Variants in KMT2A observed in about 807,000 individuals in gnomAD.
The protein encoded by KMT2A is lysine methyltransferase 2A.
KMT2A carries 16 observed loss-of-function variants against 345.3 expected under a neutral mutation model. That is an observed-to-expected ratio of 0.05 (90% CI 0.03 to 0.07). The LOEUF (loss-of-function observed/expected upper bound fraction) is 0.07, where lower values mean the gene tolerates loss of function less well. Ranked by LOEUF, KMT2A falls within the 10% of genes least tolerant of loss-of-function variation. KMT2A has a pLI of 1.00. For synonymous variants in KMT2A, 1,599 were observed against 1,778.6 expected (o/e 0.90, Z 2.54); for missense variants, 3,272 against 4,841.6 (o/e 0.68, Z 9.62).
At chr11:118,463,843 C>T (rs1248832863) in intron 1 of KMT2A, among the ~76,000 whole-genome samples, 3 of 152,184 alleles carry the variant, frequency 2.0e-5, no homozygotes, top group African/African-American at 7.2e-5. Context: ...CTTGCACTAA[C>T]TTGTCATAAC....
intron 25 of KMT2A, 117 bp downstream of exon 25, chr11:118,501,264 C>T (rs1243473479): frequency 1.0e-5 from 9 of 892,700 alleles, no homozygotes; most frequent in Non-Finnish European, 1.5e-5. Context: ...TCAAGAACAG[C>T]CTGGCCAACA....
chr11:118,484,754 A>C lies in KMT2A; in HGVS notation c.4219-108A>C. On this transcript the variant is annotated intron_variant, in intron 9 of 35. Transcript: ENST00000534358. The surrounding 1 kb of genome is among the most constrained non-coding windows in gnomAD (Gnocchi z 4.1). ...TTATTTTTGGACTCATTGAAATGAA[A>C]TACTCTGACATTGTGATGTCACACT... is the stretch of plus-strand genomic sequence containing the variant. The C allele has an allele frequency of 1.3e-6, 1 of 753,814 alleles. No homozygotes were observed. The highest frequency in any genetic ancestry group is 2.3e-6 in the Non-Finnish European group (1 of 431,228). The allele number at this position is 753,814 out of a possible 1,614,324, so 46.7% of individuals were successfully genotyped here. A position where few individuals can be genotyped will look rare whatever the true frequency, so the allele number is the denominator to read the frequency against.
chr11:118,522,309 T>A lies in KMT2A; in HGVS notation c.*137T>A. On this transcript the variant is annotated 3_prime_UTR_variant, in exon 36 of 36. Transcript: ENST00000534358. The surrounding 1 kb of genome is among the most constrained non-coding windows in gnomAD (Gnocchi z 5.4). Reference sequence around the variant, plus strand: ...GGCCTCTGTGATGGCTGAGCTCTCTTATGTCCTATACTCACATCAGACATG... The same window carrying A: ...GGCCTCTGTGATGGCTGAGCTCTCTAATGTCCTATACTCACATCAGACATG... 1 of 744,718 alleles carries A rather than the reference T, an allele frequency of 1.3e-6. No homozygotes were observed. The highest frequency in any genetic ancestry group is 2.2e-6 in the Non-Finnish European group (1 of 452,498). The allele number at this position is 744,718 out of a possible 1,614,324, so 46.1% of individuals were successfully genotyped here. A position where few individuals can be genotyped will look rare whatever the true frequency, so the allele number is the denominator to read the frequency against.
chr11:118,465,568 T>TA (rs1949828945), intron 1 of KMT2A, among the ~76,000 whole-genome samples: 1 of 152,178 alleles, frequency 6.6e-6, no homozygotes, highest in African/African-American at 2.4e-5. Context: ...GAGGGATAGA[T>TA]ACAGTAAGTG....
intron 1 of KMT2A, chr11:118,458,222 T>A (rs1171161972): frequency 3.0e-6 from 1 of 333,520 alleles, no homozygotes; most frequent in East Asian, 1.2e-4. Flanking sequence ...TAGCTGGGAC[T>A]ACAGGCACCC....
intron 27 of KMT2A, 130 bp downstream of exon 27, chr11:118,506,776 T>G (rs1950592100): frequency 1.1e-6 from 1 of 937,902 alleles, no homozygotes; most frequent in African/African-American, 1.7e-5. Context: ...TTTCCGGGTT[T>G]TGACTTTTTT....
Position 118,481,910 on chromosome 11 carries a change from C to G in KMT2A, c.3830C>G (p.Ser1277Trp). 6.2e-7 allele frequency: 1 copy of G among 1,614,216 alleles called. No individual in the cohort carries two copies. Among genetic ancestry groups the G allele is most frequent in the Admixed American group, 1.7e-5 (1 of 60,024 alleles). The change falls in exon 7 of 36, where the codon TCG becomes TGG. Residue 1277 changes from serine to tryptophan, a missense_variant. This residue lies in a region of KMT2A where 168 missense variants were observed against 216.0 expected (regional missense o/e 0.78). Transcript: ENST00000534358. ...GAAAAGAGTGAAGAAGGGAATGTCT[C>G]GGCCCCTGGGCCTGAATCCAAACAG... ...VEEKSEEGNV[S>W]APGPESKQAT...
At chr11:118,441,239 C>T (rs1949307371) in intron 1 of KMT2A, among the ~76,000 whole-genome samples, 1 of 151,898 alleles carries the variant, frequency 6.6e-6, no homozygotes, top group Admixed American at 6.5e-5. Flanking sequence ...CCTGATCCTC[C>T]TGCCTTAGCC....
rs1950526481 is a variant in KMT2A, at chr11:118,503,049, C to G, written c.7157C>G (p.Thr2386Arg). The G allele has an allele frequency of 5.6e-6, 9 of 1,613,224 alleles. No individual in the cohort carries two copies. The highest frequency in any genetic ancestry group is 6.8e-6 in the Non-Finnish European group (8 of 1,179,960). ...CAAAGGAATGATCGAGACCAACACA[C>G]AGATTCTACCCAATCAGCAAACTCC... ...RGQRNDRDQH[T>R]DSTQSANSSP... The change falls in exon 27 of 36, where the codon ACA (threonine) becomes AGA (arginine). Residue 2386 changes from threonine to arginine, a missense_variant. Transcript: ENST00000534358. This position sits in a 1 kb window ranked among gnomAD's most constrained non-coding sequence, Gnocchi z 5.3.
chr11:118,499,206 A>G (rs1950458736), intron 22 of KMT2A, 97 bp from the exon 23 acceptor site: 1 of 777,216 alleles, frequency 1.3e-6, no homozygotes, highest in Non-Finnish European at 2.3e-6. Context: ...GATGCTTTTG[A>G]GATATGCTAT....
chr11:118,469,232 A>G (rs1402996036), intron 2 of KMT2A, among the ~76,000 whole-genome samples: 5 of 148,402 alleles, frequency 3.4e-5, no homozygotes, highest in Admixed American at 7.0e-5. Context: ...GGGCATGGGA[A>G]GTAGGTTTCC....
At chr11:118,459,607 A>G (rs1370799343) in intron 1 of KMT2A, among the ~76,000 whole-genome samples, 3 of 152,128 alleles carry the variant, frequency 2.0e-5, no homozygotes, top group African/African-American at 7.2e-5. Flanking sequence ...CCTCCATCTT[A>G]GCCTGGTAGG....
chr11:118,444,693 C>A (rs962247885), intron 1 of KMT2A, among the ~76,000 whole-genome samples: 50 of 152,308 alleles, frequency 3.3e-4, no homozygotes, highest in African/African-American at 1.2e-3. Flanking sequence ...CTTGTCTCAG[C>A]CTCCTAAGTA....
rs1430147793 is a variant in KMT2A at position 118,489,927 on chromosome 11, A to T, written c.4575+40A>T. ...TGATGCTCTTTTATAGAGAACCACC[A>T]TGTGACTATTGGACTTATGTAACTT... On this transcript the variant is annotated intron_variant, in intron 12 of 35. Transcript: ENST00000534358. 3 of 1,555,402 alleles carry T rather than the reference A, an allele frequency of 1.9e-6. No individual in the cohort carries two copies. The African/African-American group carries it at 4.1e-5, about 21-fold the overall frequency.
chr11:118,500,538 C>T (rs189868629), intron 24 of KMT2A, among the ~76,000 whole-genome samples: 325 of 152,292 alleles, frequency 2.1e-3, no homozygotes, highest in Non-Finnish European at 3.1e-3. Context: ...CACTAGCATT[C>T]AGCAGATTTG....
At chr11:118,512,516 C>T (rs1277385024) in intron 31 of KMT2A, 1 of 155,068 alleles carries the variant, frequency 6.4e-6, no homozygotes, top group Non-Finnish European at 1.4e-5. Flanking sequence ...GTAGATATAC[C>T]ATATGTTGCT....
chr11:118,447,569 G>A (rs1555027504), intron 1 of KMT2A: 3 of 374,742 alleles, frequency 8.0e-6, no homozygotes, highest in South Asian at 2.0e-5. Flanking sequence ...TATCTTTTAT[G>A]TAGATAATAC....
rs2134332793 is a variant in KMT2A, at chr11:118,489,839, C to T, written c.4527C>T (p.Cys1509=). The change falls in exon 12 of 36, where the codon TGC becomes TGT. Residue 1509 remains cysteine (C), a synonymous_variant. Transcript: ENST00000534358. ...NKCRNSYHPE[C]LGPNYPTKPT... is the part of the protein sequence containing the mutation. Reference sequence around the variant, plus strand: ...GCCGAAACAGCTATCACCCTGAGTGCCTGGGACCAAACTACCCCACCAAAC... The same window carrying T: ...GCCGAAACAGCTATCACCCTGAGTGTCTGGGACCAAACTACCCCACCAAAC... 6.2e-7 allele frequency: 1 copy of T among 1,614,138 alleles called. No homozygotes were observed. Among genetic ancestry groups the T allele is most frequent in the South Asian group, 1.1e-5 (1 of 91,078 alleles).
chr11:118,463,357 T>G (rs1344803205), intron 1 of KMT2A, among the ~76,000 whole-genome samples: 1 of 152,238 alleles, frequency 6.6e-6, no homozygotes, highest in Non-Finnish European at 1.5e-5. Flanking sequence ...ATTGTAGCAT[T>G]TGGAACATAA....
Sources: allele counts gnomAD v4.1 joint callset (sites outside exome capture counted in the v4.1 genomes callset), GRCh38; gene constraint gnomAD v4.1.1; regional missense constraint gnomAD v4.1.1; non-coding constraint Gnocchi (gnomAD v3.1); transcripts MANE v1.5; gene names NCBI Gene and HGNC (gene_info 2026-07-23, HGNC 2026-07-21).